Variants in PTPRT observed in about 807,000 individuals in gnomAD.
The protein encoded by PTPRT is receptor-type tyrosine-protein phosphatase T.
In PTPRT, 56 loss-of-function variants were observed where a neutral mutation model predicts 176.8. That is an observed-to-expected ratio of 0.32 (90% CI 0.26 to 0.40). PTPRT has a LOEUF of 0.40. Ranked by LOEUF, PTPRT falls within the 10% of genes least tolerant of loss-of-function variation. The pLI, the probability that PTPRT is intolerant of heterozygous loss-of-function variation, is 1.00. For synonymous variants in PTPRT, 783 were observed against 739.0 expected (o/e 1.06, Z -0.96); for missense variants, 1,540 against 1,908.2 (o/e 0.81, Z 3.60).
intron 1 of PTPRT, among the ~76,000 whole-genome samples, chr20:43,086,304 A>G (rs984664896): frequency 6.6e-6 from 1 of 152,176 alleles, no homozygotes; most frequent in Non-Finnish European, 1.5e-5. Context: ...GAAAAAACTA[A>G]GAAGTCCCAA....
chr20:42,270,930 T>C (rs1171757964), intron 13 of PTPRT, among the ~76,000 whole-genome samples: 1 of 152,180 alleles, frequency 6.6e-6, no homozygotes. Flanking sequence ...CCAGAAAAGC[T>C]CTTGAAGCTG....
chr20:42,312,785 A>G lies in PTPRT; in HGVS notation c.2139+2938T>C, dbSNP rs150749672. ...GTCAAAACTGCTTCTGAGATGAGGC[A>G]GTTTCAGAGTGAGATCCTTTTTTTT... On this transcript the variant is annotated intron_variant, in intron 12 of 30. Coordinates refer to ENST00000373187, the MANE Select transcript of PTPRT (RefSeq NM_007050.6). Among the ~76,000 whole-genome samples, 272 of 144,888 alleles carry G rather than the reference A, an allele frequency of 1.9e-3. 4 individuals carry two copies. The highest frequency in any genetic ancestry group is 6.8e-3 in the African/African-American group (266 of 39,240).
At chr20:43,129,613 CTTTTTTTTTTTTTTT>C (rs869293740) in intron 1 of PTPRT, among the ~76,000 whole-genome samples, 1 of 87,296 alleles carries the variant, frequency 1.1e-5, no homozygotes, top group African/African-American at 4.6e-5. Context: ...CCAAAGAGTT[CTTTTTTTTTTTTTTT>C]TTTTTTTTGA....
chr20:42,929,061 T>C (rs111570540), intron 1 of PTPRT, among the ~76,000 whole-genome samples: 6 of 152,222 alleles, frequency 3.9e-5, no homozygotes, highest in East Asian at 1.9e-4. Flanking sequence ...GCAGAGCAGG[T>C]ACTGCAGGTA....
intron 1 of PTPRT, among the ~76,000 whole-genome samples, chr20:43,142,364 T>C (rs2014038889): frequency 6.6e-6 from 1 of 152,194 alleles, no homozygotes; most frequent in Non-Finnish European, 1.5e-5. Context: ...GATTTGAAAG[T>C]TGAAGATGGC....
chr20:42,141,790 G>T, intron 18 of PTPRT, 125 bp downstream of exon 18: 1 of 902,138 alleles, frequency 1.1e-6, no homozygotes, highest in Non-Finnish European at 1.8e-6. Flanking sequence ...ATCTTGGCAT[G>T]TAGATACAAA....
intron 9 of PTPRT, among the ~76,000 whole-genome samples, chr20:42,361,801 C>T (rs781739294): frequency 6.6e-6 from 1 of 152,186 alleles, no homozygotes; most frequent in South Asian, 2.1e-4. Context: ...ATCATCCCTG[C>T]CCTCTTGCAT....
chr20:42,808,481 G>A (rs2077646456), intron 2 of PTPRT, among the ~76,000 whole-genome samples: 1 of 152,140 alleles, frequency 6.6e-6, no homozygotes, highest in Non-Finnish European at 1.5e-5. Flanking sequence ...AGAGGCATTT[G>A]GTGTCCTGGC....
chr20:42,624,798 A>ATTTT (rs2074261202), intron 7 of PTPRT, among the ~76,000 whole-genome samples: 1 of 152,228 alleles, frequency 6.6e-6, no homozygotes, highest in South Asian at 2.1e-4. Flanking sequence ...TTATTTATTT[A>ATTTT]TTCACAGCCA....
intron 1 of PTPRT, among the ~76,000 whole-genome samples, chr20:42,975,926 C>CA (rs528308755): frequency 0.06 from 8,523 of 142,030 alleles, 687 homozygotes; most frequent in African/African-American, 0.19. Flanking sequence ...ACCCCCCCAC[C>CA]AAAAAAAAAA....
intron 1 of PTPRT, among the ~76,000 whole-genome samples, chr20:43,131,482 A>T (rs980097074): frequency 6.6e-6 from 1 of 152,250 alleles, no homozygotes; most frequent in African/African-American, 2.4e-5. Flanking sequence ...TAATTTGAAA[A>T]ATCTGACTTG....
chr20:42,486,966 G>A (rs2071474410), intron 7 of PTPRT, among the ~76,000 whole-genome samples: 1 of 152,168 alleles, frequency 6.6e-6, no homozygotes, highest in Non-Finnish European at 1.5e-5. Context: ...GGGAGTAGCA[G>A]AGGTGAGTGA....
At chr20:42,799,266 G>A (rs530534479) in intron 2 of PTPRT, among the ~76,000 whole-genome samples, 1 of 152,186 alleles carries the variant, frequency 6.6e-6, no homozygotes, top group East Asian at 1.9e-4. Context: ...CAGGGGGAGA[G>A]AAGAGGCAAA....
At chr20:42,870,995 G>A (rs940036690) in intron 2 of PTPRT, among the ~76,000 whole-genome samples, 23 of 150,028 alleles carry the variant, frequency 1.5e-4, no homozygotes, top group Admixed American at 2.7e-4. Flanking sequence ...CTGTTACCCA[G>A]GCTAGAGTGC....
chr20:42,684,928 G>A (rs542167527), intron 6 of PTPRT, among the ~76,000 whole-genome samples: 1 of 152,266 alleles, frequency 6.6e-6, no homozygotes, highest in East Asian at 1.9e-4. Flanking sequence ...CACACTTTCA[G>A]ACACCTCTGA....
chr20:42,912,973 G>A (rs1450546363), intron 1 of PTPRT, among the ~76,000 whole-genome samples: 4 of 152,104 alleles, frequency 2.6e-5, no homozygotes, highest in Non-Finnish European at 4.4e-5. Context: ...GACAACCTGA[G>A]TTTAAATGCC....
intron 1 of PTPRT, among the ~76,000 whole-genome samples, chr20:43,042,619 T>C (rs1384470763): frequency 6.6e-6 from 1 of 152,088 alleles, no homozygotes; most frequent in African/African-American, 2.4e-5. Flanking sequence ...GAGAGCTCAA[T>C]CTGTCTCTCT....
intron 1 of PTPRT, among the ~76,000 whole-genome samples, chr20:43,117,006 G>A (rs2013085688): frequency 6.6e-6 from 1 of 152,158 alleles, no homozygotes; most frequent in African/African-American, 2.4e-5. Flanking sequence ...TGGGCTTCAG[G>A]TTGGGTCCAG....
At chr20:42,949,895 A>T (rs1981128163) in intron 1 of PTPRT, among the ~76,000 whole-genome samples, 1 of 152,240 alleles carries the variant, frequency 6.6e-6, no homozygotes, top group Non-Finnish European at 1.5e-5. Flanking sequence ...CCCTTACCAT[A>T]CCTTGTACTA....
Sources: allele counts gnomAD v4.1 joint callset (sites outside exome capture counted in the v4.1 genomes callset), GRCh38; gene constraint gnomAD v4.1.1; transcripts MANE v1.5; gene names NCBI Gene and HGNC (gene_info 2026-07-23, HGNC 2026-07-21).